Variants in DLGAP1 observed in about 807,000 individuals in gnomAD.
DLGAP1 encodes DLG associated protein 1, also known as disks large-associated protein 1.
Under a neutral mutation model 90.8 loss-of-function variants are expected in DLGAP1, and 11 were observed. The ratio of observed to expected loss-of-function variants is 0.12; its 90% CI spans 0.08 to 0.20. The LOEUF (loss-of-function observed/expected upper bound fraction) is 0.20. Ranked by LOEUF, DLGAP1 falls within the 10% of genes least tolerant of loss-of-function variation. The probability of loss-of-function intolerance (pLI) is 1.00; values close to 1 mark genes in which losing one functional copy is unlikely to be tolerated. For missense variants in DLGAP1, 1,050 were observed against 1,333.8 expected, an observed-to-expected ratio of 0.79 and a Z score of 3.31; for synonymous variants, 558 against 540.7, an observed-to-expected ratio of 1.03 and a Z score of -0.44.
At chr18:4,201,877 A>G (rs955298138) in intron 1 of DLGAP1, among the ~76,000 whole-genome samples, 1 of 152,116 alleles carries the variant, frequency 6.6e-6, no homozygotes, top group Non-Finnish European at 1.5e-5. Context: ...CTATTAGGGG[A>G]ATGTAAATTA....
chr18:4,037,399 T>C (rs1022030989), intron 2 of DLGAP1, among the ~76,000 whole-genome samples: 5 of 152,236 alleles, frequency 3.3e-5, no homozygotes, highest in African/African-American at 1.2e-4. Flanking sequence ...TTTCACTTAC[T>C]TATATGTATG....
chr18:4,200,709 T>C (rs1425717343), intron 1 of DLGAP1, among the ~76,000 whole-genome samples: 1 of 152,092 alleles, frequency 6.6e-6, no homozygotes, highest in East Asian at 1.9e-4. Flanking sequence ...TATCATACAT[T>C]TATTTTAAGA....
intron 1 of DLGAP1, among the ~76,000 whole-genome samples, chr18:4,228,827 G>C (rs1568461563): frequency 6.6e-6 from 1 of 151,690 alleles, no homozygotes; most frequent in Non-Finnish European, 1.5e-5. Context: ...CATAATACTG[G>C]AATTCCTAGC....
chr18:3,669,994 C>A (rs58086502), intron 7 of DLGAP1, among the ~76,000 whole-genome samples: 1,660 of 152,198 alleles, frequency 0.011, 29 homozygotes, highest in African/African-American at 0.038. Flanking sequence ...TAGAGGTATG[C>A]GTAGTGAGGC....
chr18:3,958,460 C>CAAAAAAAAAAAAAAAAAAGAAAAAA (rs2073126632), intron 3 of DLGAP1, among the ~76,000 whole-genome samples: 1 of 97,226 alleles, frequency 1.0e-5, no homozygotes, highest in African/African-American at 3.9e-5. Context: ...TTAGGATAAG[C>CAAAAAAAAAAAAAAAAAAGAAAAAA]AAAAAAAAAA....
Position 4,098,557 on chromosome 18 carries a change from C to A in DLGAP1, c.-159+52623G>T, listed in dbSNP as rs1052346230. Among the ~76,000 whole-genome samples the A allele has an allele frequency of 8.6e-5, 13 of 151,814 alleles. No homozygotes were observed. In the East Asian group the frequency reaches 2.3e-3, roughly 27 times the overall value. ...AAGCAAAGCTGACTTAAAGAAAGAA[C>A]AAATGGGAAATGGAGATTAAATAGG... On this transcript the variant is annotated intron_variant, in intron 2 of 12. Transcript: ENST00000315677.
chr18:3,501,656 A>G (rs1307792620), intron 12 of DLGAP1, among the ~76,000 whole-genome samples: 1 of 152,170 alleles, frequency 6.6e-6, no homozygotes, highest in Non-Finnish European at 1.5e-5. Context: ...GAACAGGGCC[A>G]CCAGCATTTC....
intron 2 of DLGAP1, among the ~76,000 whole-genome samples, chr18:4,058,304 T>C (rs1006022755): frequency 3.3e-5 from 5 of 152,208 alleles, no homozygotes; most frequent in Admixed American, 6.5e-5. Context: ...GGGGCTCTTG[T>C]TGCATTTGTG....
chr18:4,230,970 G>A (rs752588901), intron 1 of DLGAP1, among the ~76,000 whole-genome samples: 4 of 151,686 alleles, frequency 2.6e-5, no homozygotes, highest in East Asian at 1.9e-4. Flanking sequence ...AAAAAGCAGC[G>A]CTGTGGTAGC....
rs2061492744 is a variant in DLGAP1, at chr18:3,708,093, C to T, written c.1591+21042G>A. ...TGACCCCAGCTCACTGCAACCTCCA[C>T]CTCCGGGGCTCAAGCAATCCTCCCA... On this transcript the variant is annotated intron_variant, in intron 7 of 12. Transcript: ENST00000315677. 3.3e-5 allele frequency among the ~76,000 whole-genome samples: 5 copies of T among 152,054 alleles called. No homozygotes were observed. The South Asian group carries it at 8.3e-4, about 25-fold the overall frequency.
At chr18:4,408,744 A>G (rs904535288) in intron 1 of DLGAP1, among the ~76,000 whole-genome samples, 13 of 152,190 alleles carry the variant, frequency 8.5e-5, no homozygotes, top group Non-Finnish European at 1.9e-4. Flanking sequence ...GTAATAACAT[A>G]TATTATTCAT....
chr18:4,021,150 A>G (rs2074602160), intron 2 of DLGAP1, among the ~76,000 whole-genome samples: 2 of 151,676 alleles, frequency 1.3e-5, no homozygotes, highest in African/African-American at 4.8e-5. Context: ...TAATAATAAA[A>G]CTCTAGTCTC....
rs145936865 is a variant in DLGAP1, at chr18:4,133,400, C to A, written c.-159+17780G>T. ...TAGTAAAATAAAATCTGATCATGTG[C>A]CTGTTTCTCCAGTCCCTGCTTAAAA... On this transcript the variant is annotated intron_variant, in intron 2 of 12. Coordinates refer to ENST00000315677, the MANE Select transcript of DLGAP1 (RefSeq NM_004746.4). Among the ~76,000 whole-genome samples, 7 of 152,276 alleles carry A rather than the reference C, an allele frequency of 4.6e-5. No homozygotes were observed. The East Asian group carries it at 7.7e-4, about 17-fold the overall frequency.
intron 10 of DLGAP1, among the ~76,000 whole-genome samples, chr18:3,531,227 A>G (rs942811712): frequency 6.6e-6 from 1 of 152,120 alleles, no homozygotes; most frequent in African/African-American, 2.4e-5. Flanking sequence ...ACCTGAGGTC[A>G]GGAGTTCAAG....
intron 1 of DLGAP1, among the ~76,000 whole-genome samples, chr18:4,391,075 T>C (rs1479743703): frequency 1.3e-5 from 2 of 152,224 alleles, no homozygotes; most frequent in Non-Finnish European, 2.9e-5. Flanking sequence ...ATCCTTTTTA[T>C]ATAAATTTGC....
At chr18:4,159,137 C>A (rs2076803947) in intron 1 of DLGAP1, among the ~76,000 whole-genome samples, 1 of 152,174 alleles carries the variant, frequency 6.6e-6, no homozygotes, top group African/African-American at 2.4e-5. Context: ...ACATAATGTG[C>A]ACATAGTACC....
chr18:3,745,231 A>C (rs1568058689), intron 5 of DLGAP1, among the ~76,000 whole-genome samples: 1 of 152,186 alleles, frequency 6.6e-6, no homozygotes. Context: ...AAGGGTATGG[A>C]GTTTCTCTTT....
At chr18:4,288,095 G>C (rs62088060) in intron 1 of DLGAP1, among the ~76,000 whole-genome samples, 6,418 of 151,764 alleles carry the variant, frequency 0.042, 174 homozygotes, top group African/African-American at 0.071. Context: ...TAAGTTTTAG[G>C]GTACATGTGC....
chr18:4,129,824 A>G (rs1365083328), intron 2 of DLGAP1, among the ~76,000 whole-genome samples: 1 of 152,176 alleles, frequency 6.6e-6, no homozygotes, highest in Non-Finnish European at 1.5e-5. Flanking sequence ...ATTTGAAGGA[A>G]TAACAGGAAT....
Sources: allele counts gnomAD v4.1 joint callset (sites outside exome capture counted in the v4.1 genomes callset), GRCh38; gene constraint gnomAD v4.1.1; transcripts MANE v1.5; gene names NCBI Gene and HGNC (gene_info 2026-07-23, HGNC 2026-07-21).